TENM1: variants seen among roughly 807,000 people sequenced by gnomAD.
TENM1 encodes the protein teneurin transmembrane protein 1.
Under a neutral mutation model 174.8 loss-of-function variants are expected in TENM1, and 35 were observed. The observed-to-expected ratio is 0.20, with a 90% CI of 0.15 to 0.27. The LOEUF is 0.27. Ranked by LOEUF, TENM1 falls within the 10% of genes least tolerant of loss-of-function variation. TENM1 has a pLI of 1.00. For missense variants in TENM1, 1,633 were observed against 2,130.1 expected, an observed-to-expected ratio of 0.77 and a Z score of 4.59; for synonymous variants, 781 against 798.7, an observed-to-expected ratio of 0.98 and a Z score of 0.37.
At chrX:124,728,143 A>C (rs1234045044) in intron 4 of TENM1, among the ~76,000 whole-genome samples, 1 of 110,714 alleles carries the variant, frequency 9.0e-6, no homozygotes, top group Admixed American at 9.6e-5. Flanking sequence ...AGACTTTCTG[A>C]AGAAAAAAAA....
intron 3 of TENM1, among the ~76,000 whole-genome samples, chrX:124,880,219 G>C (rs149641772): frequency 0.01 from 1,132 of 111,492 alleles, 7 homozygotes; most frequent in South Asian, 0.021. Flanking sequence ...CAGTGATTTG[G>C]TAGTTTTCTT....
At chrX:124,755,397 G>A (rs1271295537) in intron 3 of TENM1, among the ~76,000 whole-genome samples, 14 of 111,058 alleles carry the variant, frequency 1.3e-4, no homozygotes, top group Non-Finnish European at 2.3e-4. Context: ...CCTGTGAGAT[G>A]GGTTTCCTGA....
intron 1 of TENM1, 47 bp downstream of exon 4, chrX:124,963,490 C>A (rs2058685312): frequency 6.4e-6 from 7 of 1,092,707 alleles, no homozygotes; most frequent in Non-Finnish European, 6.3e-6. Flanking sequence ...CACAAGCATT[C>A]TCTAATGAGA....
chrX:124,643,553 A>G (rs1294590644), intron 10 of TENM1, among the ~76,000 whole-genome samples: 2 of 111,687 alleles, frequency 1.8e-5, no homozygotes, highest in Non-Finnish European at 3.8e-5. Flanking sequence ...CTATTTTTAA[A>G]TTTTGGCAAA....
chrX:125,001,842 T>TATAG, the TENM1 span, among the ~76,000 whole-genome samples: 1,185 of 84,961 alleles, frequency 0.014, 26 homozygotes, highest in African/African-American at 0.047. Context: ...TATAACAAAC[T>TATAG]ATAGATAGAT....
chrX:124,684,813 G>A (rs1165922971), intron 5 of TENM1, among the ~76,000 whole-genome samples: 1 of 111,325 alleles, frequency 9.0e-6, no homozygotes. Flanking sequence ...AAGGGTTTAG[G>A]CCTACCCTAG....
the TENM1 span, among the ~76,000 whole-genome samples, chrX:125,162,678 T>C: frequency 2.0e-4 from 22 of 112,178 alleles, no homozygotes; most frequent in Non-Finnish European, 2.8e-4. Flanking sequence ...TATATTGTTT[T>C]GTTTTGCTGG....
chrX:124,879,184 T>G (rs911216140), intron 3 of TENM1, among the ~76,000 whole-genome samples: 1 of 111,831 alleles, frequency 8.9e-6, no homozygotes, highest in African/African-American at 3.2e-5. Context: ...TGCTGTTAAC[T>G]GTAATCATCC....
chrX:124,501,996 C>A (rs1202908970), intron 19 of TENM1, among the ~76,000 whole-genome samples: 1 of 75,725 alleles, frequency 1.3e-5, no homozygotes, highest in Non-Finnish European at 2.5e-5. Context: ...GCTTCTTTCT[C>A]AGAATAAATT....
intron 21 of TENM1, 75 bp downstream of exon 24, chrX:124,487,134 C>G (rs967732403): frequency 9.9e-7 from 1 of 1,009,841 alleles, no homozygotes; most frequent in African/African-American, 1.9e-5. Flanking sequence ...AAAAATTTCC[C>G]TATTAACACA....
intron 1 of TENM1, among the ~76,000 whole-genome samples, chrX:124,928,132 G>A (rs1210714845): frequency 8.9e-6 from 1 of 112,029 alleles, no homozygotes; most frequent in Non-Finnish European, 1.9e-5. Context: ...TAATTCAAGT[G>A]AAACTTGGTT....
At chrX:124,415,495 G>A (rs1256475243) in intron 25 of TENM1, among the ~76,000 whole-genome samples, 2 of 111,418 alleles carry the variant, frequency 1.8e-5, no homozygotes, top group African/African-American at 3.3e-5. Context: ...TCTAGATTTT[G>A]TATGGTCACT....
At chrX:124,547,270 G>C (rs1205631185) in intron 14 of TENM1, among the ~76,000 whole-genome samples, 180 bp from the exon 18 acceptor site, 1 of 111,872 alleles carries the variant, frequency 8.9e-6, no homozygotes, top group Non-Finnish European at 1.9e-5. Context: ...AGTTCACATG[G>C]CACCTCAGAG....
intron 1 of TENM1, among the ~76,000 whole-genome samples, chrX:124,940,422 C>A (rs2058308843): frequency 8.9e-6 from 1 of 111,787 alleles, no homozygotes. Context: ...ATATTTGATT[C>A]ATTAGCTCCA....
chrX:124,389,245 G>A (rs1029017065), intron 28 of TENM1, among the ~76,000 whole-genome samples: 6 of 112,555 alleles, frequency 5.3e-5, no homozygotes, highest in African/African-American at 9.7e-5. Flanking sequence ...AAATTTCTGC[G>A]TGTTAAGGTG....
the TENM1 span, among the ~76,000 whole-genome samples, chrX:125,202,447 G>T: frequency 8.9e-6 from 1 of 111,915 alleles, no homozygotes; most frequent in African/African-American, 3.3e-5. Flanking sequence ...ACTTCTCTTT[G>T]TATTTCTTTG....
At chrX:124,676,257 AATATATATATATATATATATATATATAT>A (rs56962688) in intron 5 of TENM1, among the ~76,000 whole-genome samples, 2,195 of 22,944 alleles carry the variant, frequency 0.096, 169 homozygotes, top group Middle Eastern at 0.16. Context: ...ACATATATAA[AATATATATATATATATATATATATATAT>A]ATATATATAT....
intron 16 of TENM1, among the ~76,000 whole-genome samples, chrX:124,524,081 C>T (rs1251650409): frequency 9.1e-6 from 1 of 109,864 alleles, no homozygotes; most frequent in South Asian, 4.0e-4. Flanking sequence ...TCACCATATT[C>T]GTCAGGTTGT....
At chrX:124,806,888 A>G (rs1010684040) in intron 3 of TENM1, among the ~76,000 whole-genome samples, 10 of 111,234 alleles carry the variant, frequency 9.0e-5, no homozygotes, top group Non-Finnish European at 1.3e-4. Flanking sequence ...CTGTTCTTGC[A>G]TTGCTATAAA....
Sources: gnomAD v4.1 joint callset for allele counts (sites outside exome capture counted in the v4.1 genomes callset) on GRCh38, gnomAD v4.1.1 for gene constraint, MANE v1.5 for transcripts, NCBI Gene and HGNC (gene_info 2026-07-23, HGNC 2026-07-21) for gene names.